The following TMC6 variants were observed in gnomAD, a reference collection of about 807,000 sequenced individuals.
TMC6 encodes transmembrane channel like 6, also known as transmembrane channel-like protein 6.
Under a neutral mutation model 95.4 loss-of-function variants are expected in TMC6, and 71 were observed. That is an observed-to-expected ratio of 0.74 (90% CI 0.61 to 0.91). The LOEUF (loss-of-function observed/expected upper bound fraction) is 0.91. Among genes scored for constraint, TMC6 ranks in the 40% least tolerant of loss-of-function variants. The probability of loss-of-function intolerance (pLI) is 0.00; values close to 1 mark genes in which losing one functional copy is unlikely to be tolerated. For missense variants in TMC6, 1,074 were observed against 1,079.1 expected, an observed-to-expected ratio of 1.00 and a Z score of 0.07; for synonymous variants, 514 against 483.1, an observed-to-expected ratio of 1.06 and a Z score of -0.84.
chr17:78,117,954 C>T lies in TMC6; in HGVS notation c.1888-19G>A, dbSNP rs769006827. The T allele has an allele frequency of 1.3e-6, 2 of 1,590,946 alleles. No homozygotes were observed. Among genetic ancestry groups the T allele is most frequent in the Non-Finnish European group, 1.7e-6 (2 of 1,169,404 alleles). ...GGCTGGTCTGTGGGGAAAGGCTGCGCTCTGCCACCATCCTGCTACCCCTCA... is the reference window on the plus strand; with the variant it reads ...GGCTGGTCTGTGGGGAAAGGCTGCGTTCTGCCACCATCCTGCTACCCCTCA... On this transcript the variant is annotated intron_variant, in intron 15 of 19. Coordinates refer to ENST00000590602, the MANE Select transcript of TMC6 (RefSeq NM_001127198.5).
rs987882386 is a variant in TMC6 at position 78,122,181 on chromosome 17, C to T, written c.1227+424G>A. On this transcript the variant is annotated intron_variant, in intron 10 of 19. Coordinates refer to ENST00000590602, the MANE Select transcript of TMC6 (RefSeq NM_001127198.5). This position sits in a 1 kb window ranked among gnomAD's most constrained non-coding sequence, Gnocchi z 4.9. Reference sequence around the variant, plus strand: ...GCCCGGCTCTGCAGCCTCCTGGCCCCGCAACCTCTACGAGGGCCTCGGCCT... The same window carrying T: ...GCCCGGCTCTGCAGCCTCCTGGCCCTGCAACCTCTACGAGGGCCTCGGCCT... Among the ~76,000 whole-genome samples the T allele has an allele frequency of 2.0e-5, 3 of 152,136 alleles. No individual in the cohort carries two copies. The highest frequency in any genetic ancestry group is 2.9e-5 in the Non-Finnish European group (2 of 68,004).
chr17:78,132,317 C>G (rs375382126), upstream of TMC6: 79 of 1,609,434 alleles, frequency 4.9e-5, no homozygotes, highest in African/African-American at 8.4e-4. Flanking sequence ...GGCCCCAGCC[C>G]CGGCCCCGGC....
chr17:78,110,247 G>T lies in TMC6; in HGVS notation c.*2901C>A, dbSNP rs905645980. ...GGGCTCGGCAGGTGTTGTGGTTCATGTCTGTAATCCCAGCACTTTGGGAGG... is the reference window on the plus strand; with the variant it reads ...GGGCTCGGCAGGTGTTGTGGTTCATTTCTGTAATCCCAGCACTTTGGGAGG... On this transcript the variant is annotated 3_prime_UTR_variant, in exon 20 of 20. Transcript: ENST00000590602. The T allele has an allele frequency of 5.3e-5, 8 of 152,054 alleles. No individual in the cohort carries two copies. Among genetic ancestry groups the T allele is most frequent in the African/African-American group, 1.9e-4 (8 of 41,298 alleles). The allele number at this position is 152,054 out of a possible 1,614,324, so 9.4% of individuals were successfully genotyped here.
rs138860970 is a variant in TMC6, at chr17:78,124,592, C to A, written c.823G>T (p.Val275Phe). 109 of 1,612,180 alleles carry A rather than the reference C, an allele frequency of 6.8e-5. No homozygotes were observed. The highest frequency in any genetic ancestry group is 8.6e-5 in the Non-Finnish European group (102 of 1,179,800). ...LLVAFIMGPQ[V>F]AFPPALPGPA... ...CCCGGCAGGGCGGGTGGGAAGGCGACCTGAGGGCCCATGATGAAGGCCACC... is the reference window on the plus strand; with the variant it reads ...CCCGGCAGGGCGGGTGGGAAGGCGAACTGAGGGCCCATGATGAAGGCCACC... The change falls in exon 8 of 20, where the codon GTC becomes TTC. Residue 275 changes from valine to phenylalanine, a missense_variant. Transcript: ENST00000590602.
chr17:78,114,369 C>T (rs1446281663), intron 18 of TMC6, among the ~76,000 whole-genome samples: 1 of 152,178 alleles, frequency 6.6e-6, no homozygotes, highest in Non-Finnish European at 1.5e-5. Context: ...TATCCAAAGT[C>T]AGCTGACTGG....
At chr17:78,116,733 G>A (rs1236433893) in intron 18 of TMC6, among the ~76,000 whole-genome samples, 2 of 152,122 alleles carry the variant, frequency 1.3e-5, no homozygotes, top group Non-Finnish European at 2.9e-5. Context: ...ACACAAAAAA[G>A]TAGCCGGAGT....
At chr17:78,115,663 G>A (rs1450825654) in intron 18 of TMC6, among the ~76,000 whole-genome samples, 8 of 137,736 alleles carry the variant, frequency 5.8e-5, no homozygotes, top group Admixed American at 7.3e-5. Context: ...GCACAGGGGC[G>A]AAGGGAGTGG....
chr17:78,118,428 C>T (rs1035152192), intron 15 of TMC6, among the ~76,000 whole-genome samples: 4 of 152,216 alleles, frequency 2.6e-5, no homozygotes, highest in South Asian at 4.1e-4. Context: ...TGGTGGCGGG[C>T]GCCTGTAGTC....
At chr17:78,123,939 T>C (rs200186415) in intron 9 of TMC6, 50 bp downstream of exon 9, 2 of 1,601,658 alleles carry the variant, frequency 1.2e-6, no homozygotes, top group African/African-American at 1.3e-5. Flanking sequence ...GAAAGATGAA[T>C]GGATGGATGA....
rs1044717533 is a variant in TMC6, at chr17:78,121,914, C to G, written c.1228-203G>C. On this transcript the variant is annotated intron_variant, in intron 10 of 19. Coordinates refer to ENST00000590602, the MANE Select transcript of TMC6 (RefSeq NM_001127198.5). The surrounding 1 kb of genome is among the most constrained non-coding windows in gnomAD (Gnocchi z 5.6). ...CGCAGAGAGGACCCAGTCCCCCTGC[C>G]GAGAGGCCCCTGTGCCTGGGCTGGC... Among the ~76,000 whole-genome samples, 3 of 152,136 alleles carry G rather than the reference C, an allele frequency of 2.0e-5. No homozygotes were observed. Among genetic ancestry groups the G allele is most frequent in the Admixed American group, 6.5e-5 (1 of 15,286 alleles).
At position 78,109,370 on chromosome 17, in the gene TMC6, G is replaced by A. The variant is rs577978954; in HGVS notation, c.*3778C>T. ...GGATGGACCAAGAAAACCTACGCAG[G>A]ATCCACGTGGAAACAAAGCTGCTTA... is the stretch of plus-strand genomic sequence containing the variant. On this transcript the variant is annotated 3_prime_UTR_variant, in exon 20 of 20. Transcript: ENST00000590602. The A allele has an allele frequency of 1.6e-5, 7 of 444,640 alleles. No individual in the cohort carries two copies. The highest frequency in any genetic ancestry group is 1.1e-4 in the South Asian group (7 of 63,842). 27.5% of individuals were successfully genotyped at this position (444,640 alleles called of 1,614,324 possible). A position where few individuals can be genotyped will look rare whatever the true frequency, so the allele number is the denominator to read the frequency against.
Position 78,122,906 on chromosome 17 carries a change from A to C in TMC6, c.1083-157T>G. On this transcript the variant is annotated intron_variant, in intron 9 of 19. Coordinates refer to ENST00000590602, the MANE Select transcript of TMC6 (RefSeq NM_001127198.5). The surrounding 1 kb of genome is among the most constrained non-coding windows in gnomAD (Gnocchi z 4.9). ...CCTCCTGCCACACCCCTGCCCCACC[A>C]CCAGCCCTCTACACCAGTCTCATCC... The C allele has an allele frequency of 2.1e-6, 2 of 957,686 alleles. No individual in the cohort carries two copies. Among genetic ancestry groups the C allele is most frequent in the Non-Finnish European group, 3.2e-6 (2 of 630,286 alleles). 59.3% of individuals were successfully genotyped at this position (957,686 alleles called of 1,614,324 possible).
upstream of TMC6, chr17:78,132,043 C>A (rs2145579727): frequency 6.5e-7 from 1 of 1,534,574 alleles, no homozygotes; most frequent in Non-Finnish European, 8.7e-7. Context: ...AGGACCCGCG[C>A]GACCCGCACC....
rs1183372945 is a variant in TMC6, at chr17:78,116,123, G to C, written c.2277+1146C>G. Among the ~76,000 whole-genome samples the C allele has an allele frequency of 2.6e-5, 4 of 151,874 alleles. 1 individual carries two copies. Among genetic ancestry groups the C allele is most frequent in the Admixed American group, 2.0e-4 (3 of 15,254 alleles). The stretch of plus-strand genomic sequence containing the variant: ...GCCTCCTGAGTAGCTGGTACAGGTG[G>C]ACGCCACCACGCCCAGCTGATTTTT... On this transcript the variant is annotated intron_variant, in intron 18 of 19. Coordinates refer to ENST00000590602, the MANE Select transcript of TMC6 (RefSeq NM_001127198.5).
chr17:78,124,372 T>G, intron 8 of TMC6, 152 bp downstream of exon 8: 33 of 1,359,448 alleles, frequency 2.4e-5, no homozygotes, highest in Non-Finnish European at 3.0e-5. Flanking sequence ...TCCAGGGTCA[T>G]TGAGGGGGAG....
At chr17:78,128,955 C>G (rs2074887001), upstream of TMC6, among the ~76,000 whole-genome samples, 1 of 152,078 alleles carries the variant, frequency 6.6e-6, no homozygotes, top group Non-Finnish European at 1.5e-5. This position sits in a 1 kb window ranked among gnomAD's most constrained non-coding sequence, Gnocchi z 4.0. Flanking sequence ...TCATTCCAGC[C>G]CCTGGTTGAA....
Position 78,120,639 on chromosome 17 carries a change from C to G in TMC6, c.1715+14G>C. 1 of 1,614,040 alleles carries G rather than the reference C, an allele frequency of 6.2e-7. No individual in the cohort carries two copies. The highest frequency in any genetic ancestry group is 1.1e-5 in the South Asian group (1 of 91,080). On this transcript the variant is annotated intron_variant, in intron 13 of 19. Coordinates refer to ENST00000590602, the MANE Select transcript of TMC6 (RefSeq NM_001127198.5). ...GAGAACACTCACCACCCAGTCCGCC[C>G]AGGACCCCCTCACCTCCACACCAGT...
chr17:78,116,717 C>T (rs770732542), intron 18 of TMC6, among the ~76,000 whole-genome samples: 58 of 152,188 alleles, frequency 3.8e-4, no homozygotes, highest in Middle Eastern at 3.4e-3. Flanking sequence ...TGCATCTGTA[C>T]GAAAAACACA....
At chr17:78,115,870 G>A (rs111231735) in intron 18 of TMC6, among the ~76,000 whole-genome samples, 2,635 of 88,834 alleles carry the variant, frequency 0.03, 41 homozygotes, top group Non-Finnish European at 0.029. Context: ...TGGGCACAGG[G>A]GCGAAGGGAG....
Sources: allele counts gnomAD v4.1 joint callset (sites outside exome capture counted in the v4.1 genomes callset), GRCh38; gene constraint gnomAD v4.1.1; non-coding constraint Gnocchi (gnomAD v3.1); transcripts MANE v1.5; gene names NCBI Gene and HGNC (gene_info 2026-07-23, HGNC 2026-07-21).